Variants in BPNT2 observed in about 807,000 individuals in gnomAD.
The protein encoded by BPNT2 is 3'(2'), 5'-bisphosphate nucleotidase 2, also known as Golgi-resident adenosine 3',5'-bisphosphate 3'-phosphatase.
A neutral mutation model predicts 29.3 loss-of-function variants in BPNT2; 11 were observed. The ratio of observed to expected loss-of-function variants is 0.38; its 90% CI spans 0.24 to 0.62. The LOEUF (loss-of-function observed/expected upper bound fraction) is 0.62. Among genes scored for constraint, BPNT2 ranks in the 20% least tolerant of loss-of-function variants. The pLI, the probability that BPNT2 is intolerant of heterozygous loss-of-function variation, is 0.62. For synonymous variants in BPNT2, 195 were observed against 187.7 expected (o/e 1.04, Z -0.32); for missense variants, 459 against 473.4 (o/e 0.97, Z 0.28).
chr8:56,978,368 T>C (rs1286517526), intron 2 of BPNT2, among the ~76,000 whole-genome samples: 1 of 152,138 alleles, frequency 6.6e-6, no homozygotes. Flanking sequence ...CTAGTCAGAA[T>C]GGCTATTATT....
chr8:56,975,179 G>A (rs1017160409), intron 3 of BPNT2, among the ~76,000 whole-genome samples: 2 of 152,076 alleles, frequency 1.3e-5, no homozygotes, highest in African/African-American at 2.4e-5. Flanking sequence ...GTAAATGAGA[G>A]GAGCCACCTT....
intron 3 of BPNT2, among the ~76,000 whole-genome samples, chr8:56,975,662 CATCTAT>C (rs1806119690): frequency 1.3e-5 from 2 of 151,942 alleles, no homozygotes. Context: ...TCCATTTTTT[CATCTAT>C]AAAAAAAGAT....
intron 3 of BPNT2, among the ~76,000 whole-genome samples, chr8:56,971,849 A>C (rs1421560629): frequency 7.3e-6 from 1 of 137,420 alleles, no homozygotes; most frequent in East Asian, 2.3e-4. Flanking sequence ...ACCCTATGTG[A>C]CTTTGGGAGG....
At chr8:56,969,878 C>T (rs968305387) in intron 3 of BPNT2, among the ~76,000 whole-genome samples, 3 of 152,014 alleles carry the variant, frequency 2.0e-5, no homozygotes, top group African/African-American at 7.2e-5. Context: ...AACATGTTAC[C>T]GCTGGAAGGG....
At chr8:56,983,154 G>C (rs916321949) in intron 1 of BPNT2, among the ~76,000 whole-genome samples, 1 of 152,160 alleles carries the variant, frequency 6.6e-6, no homozygotes, top group African/African-American at 2.4e-5. Flanking sequence ...GATTAATGAT[G>C]ATAGTTGTAC....
At position 56,966,367 on chromosome 8, in the gene BPNT2, T is replaced by C. The variant is rs1224151428; in HGVS notation, c.647-15A>G. On this transcript the variant is annotated splice_polypyrimidine_tract_variant and intron_variant, in intron 3 of 4. Coordinates refer to ENST00000262644, the MANE Select transcript of BPNT2 (RefSeq NM_017813.5). ...CATTGCCCAAGCTGAAAAGCAAATA[T>C]AATATCCATTAATGGCACTGAAGCT... The C allele has an allele frequency of 2.5e-6, 4 of 1,608,516 alleles. No individual in the cohort carries two copies. Among genetic ancestry groups the C allele is most frequent in the Non-Finnish European group, 3.4e-6 (4 of 1,175,164 alleles).
At chr8:56,969,362 C>T (rs10958514) in intron 3 of BPNT2, among the ~76,000 whole-genome samples, 4 of 152,074 alleles carry the variant, frequency 2.6e-5, no homozygotes, top group African/African-American at 4.8e-5. Flanking sequence ...TAATCTATTA[C>T]AGGACAAGCT....
rs1805882475 is a variant in BPNT2 at position 56,963,642 on chromosome 8, C to A, written c.*151G>T. ...TTTTCCCTGATTTTGCATTCTATTACAGGGAAAATAAGTCTCTGATGCTTC... is the reference window on the plus strand; with the variant it reads ...TTTTCCCTGATTTTGCATTCTATTAAAGGGAAAATAAGTCTCTGATGCTTC... On this transcript the variant is annotated 3_prime_UTR_variant, in exon 5 of 5. Transcript: ENST00000262644. The A allele has an allele frequency of 1.5e-5, 12 of 804,768 alleles. No homozygotes were observed. The highest frequency in any genetic ancestry group is 2.4e-5 in the Non-Finnish European group (12 of 496,670). 49.9% of individuals were successfully genotyped at this position (804,768 alleles called of 1,614,324 possible).
chr8:56,967,107 T>C (rs1226422472), intron 3 of BPNT2: 2 of 455,762 alleles, frequency 4.4e-6, no homozygotes, highest in African/African-American at 2.0e-5. Context: ...AGAACAAACT[T>C]ACTCAGAATT....
chr8:56,964,032 C>T lies in BPNT2; in HGVS notation c.841G>A (p.Asp281Asn), dbSNP rs1483722374. 1 of 1,602,516 alleles carries T rather than the reference C, an allele frequency of 6.2e-7. No individual in the cohort carries two copies. Among genetic ancestry groups the T allele is most frequent in the Non-Finnish European group, 8.5e-7 (1 of 1,172,676 alleles). Residue 281 changes from aspartate (D) to asparagine (N), a missense_variant, in exon 5 of 5, where the codon GAT becomes AAT. By Grantham distance (23) the Asp-to-Asn change is conservative. Transcript: ENST00000262644. ...AAATCAGCTTTTTCTTGACTCTTAT[C>T]AGGCACATCCAAAAGTGCTAAAACT... ...YKVLALLDVP[D>N]KSQEKADLYI... is the part of the protein sequence containing the mutation.
chr8:56,974,782 C>T (rs1262444868), intron 3 of BPNT2, among the ~76,000 whole-genome samples: 8 of 152,136 alleles, frequency 5.3e-5, no homozygotes, highest in Non-Finnish European at 8.8e-5. Context: ...AAGTTAGGGA[C>T]ATTTGGCTTC....
rs1226417455 is a variant in BPNT2 at position 56,962,760 on chromosome 8, CCATACT to C, written c.*1027_*1032del. The C allele has an allele frequency of 6.6e-6, 1 of 151,916 alleles. No individual in the cohort carries two copies. The highest frequency in any genetic ancestry group is 1.9e-4 in the East Asian group (1 of 5,186). The allele number at this position is 151,916 out of a possible 1,614,324, so 9.4% of individuals were successfully genotyped here. On this transcript the variant is annotated 3_prime_UTR_variant, in exon 5 of 5. Coordinates refer to ENST00000262644, the MANE Select transcript of BPNT2 (RefSeq NM_017813.5). ...GTAAAAGCAACCATGGCAAAAGCAA[CCATACT>C]CATTCTTGATAATGAAAGGATCTTC...
Position 56,960,255 on chromosome 8 carries a change from C to G in BPNT2, c.*3538G>C, listed in dbSNP as rs539778052. The G allele has an allele frequency of 6.6e-6, 1 of 152,288 alleles. No homozygotes were observed. Among genetic ancestry groups the G allele is most frequent in the South Asian group, 2.1e-4 (1 of 4,818 alleles). 9.4% of individuals were successfully genotyped at this position (152,288 alleles called of 1,614,324 possible). On this transcript the variant is annotated 3_prime_UTR_variant, in exon 5 of 5. Coordinates refer to ENST00000262644, the MANE Select transcript of BPNT2 (RefSeq NM_017813.5). ...CAGAGATGGCTGTCACCTTCAAAGC[C>G]TAAGTGAGATCCAATTTTTGAATTC... is the stretch of plus-strand genomic sequence containing the variant.
intron 1 of BPNT2, among the ~76,000 whole-genome samples, chr8:56,988,583 C>T (rs984984439): frequency 2.0e-5 from 3 of 152,194 alleles, no homozygotes; most frequent in Non-Finnish European, 2.9e-5. Context: ...ATCCTTGGTT[C>T]TAGGCCCTGA....
Position 56,962,131 on chromosome 8 carries a change from ACCTACC to A in BPNT2, c.*1656_*1661del, listed in dbSNP as rs2129202995. 6.6e-6 allele frequency: 1 copy of A among 152,318 alleles called. No individual in the cohort carries two copies. The highest frequency in any genetic ancestry group is 2.4e-5 in the African/African-American group (1 of 41,572). The allele number at this position is 152,318 out of a possible 1,614,324, so 9.4% of individuals were successfully genotyped here. Reference sequence around the variant, plus strand: ...GTCCTATTTAAATATCAAGTGTTCCACCTACCAAAACTTTGAATGAATTTTCACTGA... The same window carrying A: ...GTCCTATTTAAATATCAAGTGTTCCAAAAACTTTGAATGAATTTTCACTGA... On this transcript the variant is annotated 3_prime_UTR_variant, in exon 5 of 5. Transcript: ENST00000262644.
Position 56,980,084 on chromosome 8 carries a change from T to A in BPNT2, c.501A>T (p.Glu167Asp), listed in dbSNP as rs746962174. Reference protein sequence around the residue: ...EVTTPKEVPAESVTVWIDPLD... With the variant: ...EVTTPKEVPADSVTVWIDPLD... ...GTGGGTCAATCCAGACAGTAACACT[T>A]TCTGCTGGTACCTCTTTAGGAGTAG... Residue 167 changes from glutamate to aspartate, a missense_variant, in exon 2 of 5, where the codon GAA (glutamate) becomes GAT (aspartate). Glu to Asp is a conservative substitution (Grantham distance 45). Transcript: ENST00000262644. 1 of 1,613,686 alleles carries A rather than the reference T, an allele frequency of 6.2e-7. No individual in the cohort carries two copies. The highest frequency in any genetic ancestry group is 1.1e-5 in the South Asian group (1 of 91,058).
intron 1 of BPNT2, among the ~76,000 whole-genome samples, chr8:56,991,524 T>G (rs932854556): frequency 1.4e-4 from 22 of 152,250 alleles, no homozygotes; most frequent in Non-Finnish European, 5.9e-5. Context: ...TCACTATTAC[T>G]GCTTTTAAGC....
rs1016297152 is a variant in BPNT2 at position 56,993,665 on chromosome 8, G to C, written c.-80C>G. ...CCGCCGCCGCCGCCGCAGCCGCCGC[G>C]CTCCGGGCCAGGCGCCGCGCGGGCT... On this transcript the variant is annotated 5_prime_UTR_variant, in exon 1 of 5. Transcript: ENST00000262644. The C allele has an allele frequency of 7.0e-6, 8 of 1,145,594 alleles. No individual in the cohort carries two copies. The highest frequency in any genetic ancestry group is 8.6e-6 in the Non-Finnish European group (8 of 935,588). 71.0% of individuals were successfully genotyped at this position (1,145,594 alleles called of 1,614,324 possible). A position where few individuals can be genotyped will look rare whatever the true frequency, so the allele number is the denominator to read the frequency against.
intron 1 of BPNT2, among the ~76,000 whole-genome samples, chr8:56,992,490 T>C (rs1806432884): frequency 6.6e-6 from 1 of 152,136 alleles, no homozygotes; most frequent in Non-Finnish European, 1.5e-5. Flanking sequence ...AAATGTCAAC[T>C]CCCTTCCCAG....
Sources: gnomAD v4.1 joint callset for allele counts (sites outside exome capture counted in the v4.1 genomes callset) on GRCh38, gnomAD v4.1.1 for gene constraint, MANE v1.5 for transcripts, NCBI Gene and HGNC (gene_info 2026-07-23, HGNC 2026-07-21) for gene names.